DDI2: variants seen among roughly 807,000 people sequenced by gnomAD.
DDI2 encodes DDI proteasomal shuttling factor 2.
A neutral mutation model predicts 48.1 loss-of-function variants in DDI2; 5 were observed. That is an observed-to-expected ratio of 0.10 (90% confidence interval 0.05 to 0.22). The LOEUF (loss-of-function observed/expected upper bound fraction) is 0.22, where lower values mean the gene tolerates loss of function less well. Among genes scored for constraint, DDI2 ranks in the 10% least tolerant of loss-of-function variants. The pLI is 1.00. For synonymous variants in DDI2, 205 were observed against 183.6 expected, an observed-to-expected ratio of 1.12 and a Z score of -0.94; for missense variants, 285 against 506.2, an observed-to-expected ratio of 0.56 and a Z score of 4.19.
At position 15,660,566 on chromosome 1, in the gene DDI2, G is replaced by T; in HGVS notation, c.*776G>T. ...GTGGATCCTCCAAGTGCGAAGAAAAGTATTCCATCTTCAGAATGCAGTGGC... is the reference window on the plus strand; with the variant it reads ...GTGGATCCTCCAAGTGCGAAGAAAATTATTCCATCTTCAGAATGCAGTGGC... On this transcript the variant is annotated 3_prime_UTR_variant, in exon 10 of 10. Coordinates refer to ENST00000480945, the MANE Select transcript of DDI2 (RefSeq NM_032341.5). The T allele has an allele frequency of 6.2e-7, 1 of 1,613,542 alleles. No homozygotes were observed. Among genetic ancestry groups the T allele is most frequent in the Non-Finnish European group, 8.5e-7 (1 of 1,179,828 alleles).
At chr1:15,651,681 T>C (rs1281357100) in intron 7 of DDI2, 25 bp from the exon 8 acceptor site, 8 of 1,581,376 alleles carry the variant, frequency 5.1e-6, no homozygotes, top group South Asian at 1.2e-5. Context: ...TATCTGCTAT[T>C]ATTCTTTGGT....
rs1640032441 is a variant in DDI2, at chr1:15,642,910, AC to A, written c.761-611del. The stretch of plus-strand genomic sequence containing the variant: ...GTGAAACCCCACCTCTACTAAAAAT[AC>A]AAAAAATTAGCCGGGTGTGGTGGTG... On this transcript the variant is annotated intron_variant, in intron 5 of 9. Coordinates refer to ENST00000480945, the MANE Select transcript of DDI2 (RefSeq NM_032341.5). Among the ~76,000 whole-genome samples the A allele has an allele frequency of 2.0e-5, 3 of 152,364 alleles. No homozygotes were observed. In the South Asian group the frequency reaches 6.2e-4, roughly 32 times the overall value.
In DDI2 at chr1:15,668,677, G is replaced by A. The variant is rs1250190237; in HGVS notation, c.*8887G>A. On this transcript the variant is annotated 3_prime_UTR_variant, in exon 10 of 10. Transcript: ENST00000480945. Reference sequence around the variant, plus strand: ...GCAAGATTTTCTGACTTTAAGCTTTGAGACTACTGCATCTTAAAAGAAGAA... The same window carrying A: ...GCAAGATTTTCTGACTTTAAGCTTTAAGACTACTGCATCTTAAAAGAAGAA... The A allele has an allele frequency of 6.6e-6, 1 of 152,132 alleles. No homozygotes were observed. Among genetic ancestry groups the A allele is most frequent in the Admixed American group, 6.6e-5 (1 of 15,264 alleles). The allele number at this position is 152,132 out of a possible 1,614,324, so 9.4% of individuals were successfully genotyped here.
Position 15,661,285 on chromosome 1 carries a change from G to C in DDI2, c.*1495G>C. 1 of 1,614,132 alleles carries C rather than the reference G, an allele frequency of 6.2e-7. No homozygotes were observed. Among genetic ancestry groups the C allele is most frequent in the Non-Finnish European group, 8.5e-7 (1 of 1,180,016 alleles). On this transcript the variant is annotated 3_prime_UTR_variant, in exon 10 of 10. Transcript: ENST00000480945. ...GGAATCCATAAATAAGAACCGTTCT[G>C]TCACTGTAACCTCAGCTAAAACATC...
At chr1:15,647,729 A>G (rs1016561752) in intron 6 of DDI2, among the ~76,000 whole-genome samples, 1 of 152,098 alleles carries the variant, frequency 6.6e-6, no homozygotes, top group Non-Finnish European at 1.5e-5. Context: ...TGAGAGGCCA[A>G]GGTGGGCAGA....
intron 4 of DDI2, among the ~76,000 whole-genome samples, chr1:15,637,590 A>G (rs1164491065): frequency 1.3e-5 from 2 of 151,170 alleles, no homozygotes; most frequent in Non-Finnish European, 3.0e-5. Context: ...CTGGTCTTGA[A>G]CTCCTGACCT....
At position 15,630,494 on chromosome 1, in the gene DDI2, G is replaced by T. The variant is rs200999837; in HGVS notation, c.438G>T (p.Pro146=). Residue 146 remains proline, a synonymous_variant, in exon 3 of 10, where the codon CCG becomes CCT. Coordinates refer to ENST00000480945, the MANE Select transcript of DDI2 (RefSeq NM_032341.5). ...TCCGAGATATGTTGCTGGCCAACCC[G>T]CATGAGCTGTCCTTGCTGAAGGAAC... ...ALLRDMLLAN[P]HELSLLKERN... 2.5e-6 allele frequency: 4 copies of T among 1,614,024 alleles called. No homozygotes were observed. Among genetic ancestry groups the T allele is most frequent in the Non-Finnish European group, 3.4e-6 (4 of 1,180,030 alleles).
At chr1:15,643,754 T>A in intron 6 of DDI2, 104 bp downstream of exon 6, 1 of 1,480,308 alleles carries the variant, frequency 6.8e-7, no homozygotes, top group Non-Finnish European at 9.0e-7. Context: ...ATTTTGTTGT[T>A]GTTGTTTTAA....
In DDI2 at chr1:15,661,335, T is replaced by G; in HGVS notation, c.*1545T>G. On this transcript the variant is annotated 3_prime_UTR_variant, in exon 10 of 10. Transcript: ENST00000480945. ...CCAATCAGTTACACTGCACCTTAGGTGTAGAAATTTCACCCAAACTTTTAG... is the reference window on the plus strand; with the variant it reads ...CCAATCAGTTACACTGCACCTTAGGGGTAGAAATTTCACCCAAACTTTTAG... 1 of 1,613,952 alleles carries G rather than the reference T, an allele frequency of 6.2e-7. No homozygotes were observed. The highest frequency in any genetic ancestry group is 8.5e-7 in the Non-Finnish European group (1 of 1,179,946).
chr1:15,660,411 A>G lies in DDI2; in HGVS notation c.*621A>G. ...ATGAACAGTATGAGGTTGCACAACAAAAAGCTTCACATGACCAAGAATATC... is the reference window on the plus strand; with the variant it reads ...ATGAACAGTATGAGGTTGCACAACAGAAAGCTTCACATGACCAAGAATATC... On this transcript the variant is annotated 3_prime_UTR_variant, in exon 10 of 10. Transcript: ENST00000480945. 2 of 1,614,010 alleles carry G rather than the reference A, an allele frequency of 1.2e-6. No homozygotes were observed. Among genetic ancestry groups the G allele is most frequent in the East Asian group, 2.2e-5 (1 of 44,888 alleles).
Position 15,667,559 on chromosome 1 carries a change from C to G in DDI2, c.*7769C>G, listed in dbSNP as rs1459593401. On this transcript the variant is annotated 3_prime_UTR_variant, in exon 10 of 10. Coordinates refer to ENST00000480945, the MANE Select transcript of DDI2 (RefSeq NM_032341.5). ...GCTATTTTAAAGCAGCTGGGTGCAA[C>G]TTGTGAAAACGGGAATCTAGAGCAG... 6.6e-6 allele frequency: 1 copy of G among 152,330 alleles called. No homozygotes were observed. The highest frequency in any genetic ancestry group is 1.9e-4 in the East Asian group (1 of 5,188). 9.4% of individuals were successfully genotyped at this position (152,330 alleles called of 1,614,324 possible).
At chr1:15,623,601 C>T (rs556521128) in intron 1 of DDI2, among the ~76,000 whole-genome samples, 1 of 133,072 alleles carries the variant, frequency 7.5e-6, no homozygotes, top group South Asian at 2.2e-4. Context: ...TGGGGTCTTG[C>T]TGTATTGCCC....
rs764997806 is a variant in DDI2, at chr1:15,659,955, T to C, written c.*165T>C. 1 of 1,614,218 alleles carries C rather than the reference T, an allele frequency of 6.2e-7. No individual in the cohort carries two copies. Among genetic ancestry groups the C allele is most frequent in the Non-Finnish European group, 8.5e-7 (1 of 1,180,040 alleles). On this transcript the variant is annotated 3_prime_UTR_variant, in exon 10 of 10. Coordinates refer to ENST00000480945, the MANE Select transcript of DDI2 (RefSeq NM_032341.5). ...CTGATGTTGGTAATCCTATGAGTCTTGCTCGCTCTGTCTCTGCTTCAGTCT... is the reference window on the plus strand; with the variant it reads ...CTGATGTTGGTAATCCTATGAGTCTCGCTCGCTCTGTCTCTGCTTCAGTCT...
At position 15,633,539 on chromosome 1, in the gene DDI2, T is replaced by G. The variant is rs768784608; in HGVS notation, c.606T>G (p.Ala202=). Residue 202 remains alanine, a synonymous_variant, in exon 4 of 10, where the codon GCT becomes GCG. Transcript: ENST00000480945. ...CTGCTGATCCCTTTGACCTTGAAGC[T>G]CAGGCAAAGATAGAAGAAGATATAA... ...LFSADPFDLE[A]QAKIEEDIRQ... 2.3e-4 allele frequency: 377 copies of G among 1,613,354 alleles called. No homozygotes were observed. The highest frequency in any genetic ancestry group is 3.1e-4 in the Non-Finnish European group (371 of 1,179,602).
intron 2 of DDI2, among the ~76,000 whole-genome samples, chr1:15,627,753 G>A (rs1639781270): frequency 6.6e-6 from 1 of 152,074 alleles, no homozygotes; most frequent in Non-Finnish European, 1.5e-5. Flanking sequence ...ATAGTGTTTA[G>A]CCTGTAGGTC....
At chr1:15,651,460 G>A (rs1640182507) in intron 7 of DDI2, among the ~76,000 whole-genome samples, 1 of 151,796 alleles carries the variant, frequency 6.6e-6, no homozygotes, top group African/African-American at 2.4e-5. Flanking sequence ...CTGCGATTAT[G>A]GGCATGTGCC....
chr1:15,617,530 G>C lies in DDI2; in HGVS notation c.-141G>C, dbSNP rs1210387975. The C allele has an allele frequency of 8.7e-6, 5 of 576,834 alleles. No homozygotes were observed. The highest frequency in any genetic ancestry group is 1.3e-5 in the Non-Finnish European group (5 of 394,402). 35.7% of individuals were successfully genotyped at this position (576,834 alleles called of 1,614,324 possible). On this transcript the variant is annotated 5_prime_UTR_variant, in exon 1 of 10. Transcript: ENST00000480945. The stretch of plus-strand genomic sequence containing the variant: ...CGGGAGGGAGTGACTCACTGAGCGT[G>C]TGTGAGGGAGGGAGCGAGCGAGCGA...
rs1223618291 is a variant in DDI2, at chr1:15,662,559, TTTG to T, written c.*2770_*2772del. On this transcript the variant is annotated 3_prime_UTR_variant, in exon 10 of 10. Coordinates refer to ENST00000480945, the MANE Select transcript of DDI2 (RefSeq NM_032341.5). ...AAAAATAATGGCCTAAACACTGGAATTTGCTAGAGTTTGGGTTTGCTAGCATCT... is the reference window on the plus strand; with the variant it reads ...AAAAATAATGGCCTAAACACTGGAATCTAGAGTTTGGGTTTGCTAGCATCT... The T allele has an allele frequency of 6.6e-6, 1 of 152,202 alleles. No individual in the cohort carries two copies. Among genetic ancestry groups the T allele is most frequent in the African/African-American group, 2.4e-5 (1 of 41,462 alleles). The allele number at this position is 152,202 out of a possible 1,614,324, so 9.4% of individuals were successfully genotyped here.
Position 15,664,595 on chromosome 1 carries a change from T to A in DDI2, c.*4805T>A, listed in dbSNP as rs1640424819. ...CTCCAGAAATGCAGAAATTATGGGT[T>A]AACTTCTAAGAATACCATCAAATCC... On this transcript the variant is annotated 3_prime_UTR_variant, in exon 10 of 10. Transcript: ENST00000480945. 6.6e-6 allele frequency: 1 copy of A among 152,208 alleles called. No individual in the cohort carries two copies. Among genetic ancestry groups the A allele is most frequent in the Non-Finnish European group, 1.5e-5 (1 of 68,048 alleles). The allele number at this position is 152,208 out of a possible 1,614,324, so 9.4% of individuals were successfully genotyped here.
Sources: gnomAD v4.1 joint callset for allele counts (sites outside exome capture counted in the v4.1 genomes callset) on GRCh38, gnomAD v4.1.1 for gene constraint, MANE v1.5 for transcripts, NCBI Gene and HGNC (gene_info 2026-07-23, HGNC 2026-07-21) for gene names.